ARRDC1: variants seen among roughly 807,000 people sequenced by gnomAD.
The protein encoded by ARRDC1 is arrestin domain-containing protein 1.
ARRDC1 carries 37 observed loss-of-function variants against 40.1 expected under a neutral mutation model. That is an observed-to-expected ratio of 0.92 (90% CI 0.71 to 1.21). ARRDC1 has a LOEUF of 1.21. Ranked by LOEUF, ARRDC1 falls within the 50% of genes most tolerant of loss-of-function variation. The pLI is 0.00. For synonymous variants in ARRDC1, 310 were observed against 262.5 expected, an observed-to-expected ratio of 1.18 and a Z score of -1.75; for missense variants, 641 against 581.9, an observed-to-expected ratio of 1.10 and a Z score of -1.04.
chr9:137,613,271 T>A, intron 2 of ARRDC1, 189 bp from the exon 3 acceptor site: 3 of 781,304 alleles, frequency 3.8e-6, no homozygotes, highest in Non-Finnish European at 6.4e-6. Flanking sequence ...CACTCTCCTG[T>A]TCAAGCCAAG....
chr9:137,607,264 A>G (rs1842440146), intron 1 of ARRDC1, among the ~76,000 whole-genome samples: 1 of 152,238 alleles, frequency 6.6e-6, no homozygotes, highest in Non-Finnish European at 1.5e-5. Flanking sequence ...GGATGGGAAC[A>G]GAAGGACCAT....
intron 1 of ARRDC1, among the ~76,000 whole-genome samples, chr9:137,609,943 A>C (rs555133800): frequency 1.1e-4 from 17 of 152,008 alleles, no homozygotes; most frequent in Middle Eastern, 3.4e-3. Context: ...CCTCCTGAGT[A>C]GCTGGGACTA....
In ARRDC1 at chr9:137,614,669, G is replaced by T. The variant is rs752921297; in HGVS notation, c.906G>T (p.Gly302=). 1 of 1,612,590 alleles carries T rather than the reference G, an allele frequency of 6.2e-7. No individual in the cohort carries two copies. The highest frequency in any genetic ancestry group is 8.5e-7 in the Non-Finnish European group (1 of 1,179,814). Residue 302 remains glycine, a synonymous_variant, in exon 7 of 8, where the codon GGG becomes GGT. Transcript: ENST00000371421. The stretch of plus-strand genomic sequence containing the variant: ...GGCCAGGCCTGGGGCTGCCTCCTGG[G>T]GCCCCACCCCTGGTGGTGCCTTCCG... ...SPRPGLGLPP[G]APPLVVPSAP...
chr9:137,606,074 G>A lies in ARRDC1; in HGVS notation c.118+239G>A, dbSNP rs1001454776. ...CGGGGTCCCGGCGGGGCCTGAAGCG[G>A]GTCCACTGTGGAGGACGCCCTGAGC... On this transcript the variant is annotated intron_variant, in intron 1 of 7. Coordinates refer to ENST00000371421, the MANE Select transcript of ARRDC1 (RefSeq NM_152285.4). 2.0e-5 allele frequency among the ~76,000 whole-genome samples: 3 copies of A among 151,390 alleles called. No homozygotes were observed. The East Asian group carries it at 5.8e-4, about 29-fold the overall frequency.
At chr9:137,607,942 G>C (rs1385488068) in intron 1 of ARRDC1, among the ~76,000 whole-genome samples, 1 of 152,128 alleles carries the variant, frequency 6.6e-6, no homozygotes, top group Non-Finnish European at 1.5e-5. Flanking sequence ...GCTTGTCCTT[G>C]CTTGTGCATC....
Position 137,615,078 on chromosome 9 carries a change from C to A in ARRDC1, c.1242C>A (p.Ala414=), listed in dbSNP as rs141454610. Residue 414 remains alanine (A), a synonymous_variant, in exon 8 of 8, where the codon GCC becomes GCA. Transcript: ENST00000371421. ...EYSSWGYPYE[A]PPSYEQSCGG... ...GACCCTGCTTTCTTCCCGCAGAGGC[C>A]CCACCGTCTTATGAGCAGAGCTGCG... is the stretch of plus-strand genomic sequence containing the variant. 3.9e-5 allele frequency: 62 copies of A among 1,597,622 alleles called. No homozygotes were observed. In the African/African-American group the frequency reaches 7.6e-4, roughly 20 times the overall value.
intron 4 of ARRDC1, 48 bp downstream of exon 4, chr9:137,613,817 G>A: frequency 6.2e-7 from 1 of 1,604,984 alleles, no homozygotes; most frequent in Non-Finnish European, 8.5e-7. Flanking sequence ...CCCTCATGGA[G>A]GCTGGGGAAG....
At chr9:137,610,158 C>CCTA (rs757353242) in intron 1 of ARRDC1, among the ~76,000 whole-genome samples, 1 of 152,170 alleles carries the variant, frequency 6.6e-6, no homozygotes, top group African/African-American at 2.4e-5. Flanking sequence ...GTTCCAGTTA[C>CCTA]CTACTGCTAC....
At chr9:137,612,707 C>T in intron 1 of ARRDC1, 189 bp from the exon 2 acceptor site, 2 of 566,294 alleles carry the variant, frequency 3.5e-6, no homozygotes, top group South Asian at 2.2e-5. Context: ...CTGCCTGATT[C>T]CCTTGGAGCC....
At chr9:137,612,364 G>A (rs1451266463) in intron 1 of ARRDC1, 2 of 160,524 alleles carry the variant, frequency 1.2e-5, no homozygotes, top group East Asian at 1.9e-4. Context: ...CGCCCAGGAA[G>A]TAGGGCCCCA....
In ARRDC1 at chr9:137,614,519, T is replaced by TTGGCCC. The variant is rs1433853571; in HGVS notation, c.796-33_796-28dup. The TTGGCCC allele has an allele frequency of 8.1e-6, 13 of 1,613,016 alleles. No homozygotes were observed. In the African/African-American group the frequency reaches 9.3e-5, roughly 12 times the overall value. Reference sequence around the variant, plus strand: ...CTGGGTGGTCTGAGGCCTAGTGGCCTTGGCCCTGGCCCCTCATGCCCCACC... The same window carrying TTGGCCC: ...CTGGGTGGTCTGAGGCCTAGTGGCCTTGGCCCTGGCCCTGGCCCCTCATGCCCCACC... On this transcript the variant is annotated intron_variant, in intron 6 of 7. Coordinates refer to ENST00000371421, the MANE Select transcript of ARRDC1 (RefSeq NM_152285.4).
intron 1 of ARRDC1, among the ~76,000 whole-genome samples, chr9:137,609,942 T>A (rs1276877183): frequency 6.6e-6 from 1 of 152,102 alleles, no homozygotes; most frequent in Non-Finnish European, 1.5e-5. Context: ...GCCTCCTGAG[T>A]AGCTGGGACT....
At chr9:137,609,056 G>T (rs533453961) in intron 1 of ARRDC1, among the ~76,000 whole-genome samples, 2 of 152,178 alleles carry the variant, frequency 1.3e-5, no homozygotes, top group Non-Finnish European at 2.9e-5. Flanking sequence ...GAGCAGTGGC[G>T]TGTGAGGCTC....
At chr9:137,609,358 C>T (rs1842474225) in intron 1 of ARRDC1, among the ~76,000 whole-genome samples, 1 of 152,122 alleles carries the variant, frequency 6.6e-6, no homozygotes, top group Non-Finnish European at 1.5e-5. Flanking sequence ...CCTCAGACTC[C>T]CGAGTAGCTG....
In ARRDC1 at chr9:137,605,781, G is replaced by A; in HGVS notation, c.64G>A (p.Glu22Lys). 1 of 1,346,654 alleles carries A rather than the reference G, an allele frequency of 7.4e-7. No individual in the cohort carries two copies. The highest frequency in any genetic ancestry group is 9.5e-7 in the Non-Finnish European group (1 of 1,047,716). 83.4% of individuals were successfully genotyped at this position (1,346,654 alleles called of 1,614,324 possible). A position where few individuals can be genotyped will look rare whatever the true frequency, so the allele number is the denominator to read the frequency against. The change falls in exon 1 of 8, where the codon GAG (glutamate) becomes AAG (lysine). Residue 22 changes from glutamate (E) to lysine (K), a missense_variant. Coordinates refer to ENST00000371421, the MANE Select transcript of ARRDC1 (RefSeq NM_152285.4). ...CGGCCGCGTCGTCTACAGCCCCGGGGAGCCGTTGGCTGGGACCGTGCGCGT... is the reference window on the plus strand; with the variant it reads ...CGGCCGCGTCGTCTACAGCCCCGGGAAGCCGTTGGCTGGGACCGTGCGCGT... ...SHGRVVYSPG[E>K]PLAGTVRVRL...
rs755298364 is a variant in ARRDC1, at chr9:137,614,484, C to T, written c.795+9C>T. ...TCGACTACTACTTACAGGTTTGGTG[C>T]TGCTGGGGGCTGGGTGGTCTGAGGC... On this transcript the variant is annotated intron_variant, in intron 6 of 7. Coordinates refer to ENST00000371421, the MANE Select transcript of ARRDC1 (RefSeq NM_152285.4). 6.2e-7 allele frequency: 1 copy of T among 1,613,232 alleles called. No individual in the cohort carries two copies. The highest frequency in any genetic ancestry group is 8.5e-7 in the Non-Finnish European group (1 of 1,179,950).
chr9:137,610,583 G>A (rs1842497114), intron 1 of ARRDC1, among the ~76,000 whole-genome samples: 1 of 145,164 alleles, frequency 6.9e-6, no homozygotes, highest in East Asian at 2.0e-4. Context: ...TTTTTTTTGA[G>A]ATGGAGTTTC....
chr9:137,607,152 G>A (rs893744570), intron 1 of ARRDC1, among the ~76,000 whole-genome samples: 6 of 152,266 alleles, frequency 3.9e-5, no homozygotes, highest in African/African-American at 4.8e-5. Context: ...CTAAGGAGTA[G>A]GAGATGGGCC....
At chr9:137,613,807 C>G in intron 4 of ARRDC1, 38 bp downstream of exon 4, 1 of 1,609,028 alleles carries the variant, frequency 6.2e-7, no homozygotes, top group Non-Finnish European at 8.5e-7. Context: ...TGGGTCCCCA[C>G]CCTCATGGAG....
Sources: gnomAD v4.1 joint callset for allele counts (sites outside exome capture counted in the v4.1 genomes callset) on GRCh38, gnomAD v4.1.1 for gene constraint, MANE v1.5 for transcripts, NCBI Gene and HGNC (gene_info 2026-07-23, HGNC 2026-07-21) for gene names.